ADAMTSL3: variants seen among roughly 807,000 people sequenced by gnomAD.
The protein encoded by ADAMTSL3 is ADAMTS like 3, also known as ADAMTS-like protein 3.
ADAMTSL3 carries 128 observed loss-of-function variants against 201.7 expected under a neutral mutation model. The observed-to-expected ratio is 0.63, with a 90% CI of 0.55 to 0.73. The LOEUF (loss-of-function observed/expected upper bound fraction) is 0.73. Among genes scored for constraint, ADAMTSL3 ranks in the 30% least tolerant of loss-of-function variants. The pLI, the probability that ADAMTSL3 is intolerant of heterozygous loss-of-function variation, is 0.00. For missense variants in ADAMTSL3, 1,990 were observed against 2,119.6 expected (o/e 0.94, Z 1.20); for synonymous variants, 738 against 748.4 (o/e 0.99, Z 0.23).
chr15:83,814,806 T>G (rs901355324), intron 5 of ADAMTSL3, among the ~76,000 whole-genome samples: 1 of 152,210 alleles, frequency 6.6e-6, no homozygotes, highest in Non-Finnish European at 1.5e-5. Flanking sequence ...GGGGATTGCC[T>G]AAATGTCTGA....
At chr15:83,696,794 G>C (rs1457361259) in intron 2 of ADAMTSL3, among the ~76,000 whole-genome samples, 1 of 152,212 alleles carries the variant, frequency 6.6e-6, no homozygotes, top group Non-Finnish European at 1.5e-5. Flanking sequence ...ACAAATTTGG[G>C]CTGACGTGAA....
chr15:83,826,960 G>A (rs575254997), intron 6 of ADAMTSL3, among the ~76,000 whole-genome samples: 7 of 152,134 alleles, frequency 4.6e-5, no homozygotes, highest in African/African-American at 9.6e-5. Flanking sequence ...GAATAGTGCC[G>A]TAATAAACAT....
At chr15:83,960,870 T>C (rs2066955419) in intron 19 of ADAMTSL3, among the ~76,000 whole-genome samples, 1 of 151,942 alleles carries the variant, frequency 6.6e-6, no homozygotes, top group Non-Finnish European at 1.5e-5. Context: ...CAGCATAATA[T>C]CTATGCACCA....
chr15:83,955,122 C>T (rs1429512062), intron 19 of ADAMTSL3, among the ~76,000 whole-genome samples: 1 of 152,176 alleles, frequency 6.6e-6, no homozygotes, highest in Non-Finnish European at 1.5e-5. Flanking sequence ...TCTTTCAGGC[C>T]CTGGGCATGT....
intron 4 of ADAMTSL3, among the ~76,000 whole-genome samples, chr15:83,798,709 A>AG (rs1159600607): frequency 6.8e-6 from 1 of 147,570 alleles, no homozygotes; most frequent in Non-Finnish European, 1.5e-5. Flanking sequence ...CAGGAGGCTG[A>AG]GGCAGGGGAA....
intron 2 of ADAMTSL3, among the ~76,000 whole-genome samples, chr15:83,662,351 C>T (rs1231730519): frequency 7.2e-6 from 1 of 138,684 alleles, no homozygotes; most frequent in African/African-American, 2.7e-5. Flanking sequence ...CATATTCTCA[C>T]TCATAGGTGG....
chr15:83,666,444 C>G (rs1567059244), intron 2 of ADAMTSL3, among the ~76,000 whole-genome samples: 1 of 152,104 alleles, frequency 6.6e-6, no homozygotes, highest in African/African-American at 2.4e-5. Context: ...ATAGTTGCCA[C>G]TATAAGATTA....
chr15:83,948,570 A>T (rs1401383035), intron 19 of ADAMTSL3, among the ~76,000 whole-genome samples: 2 of 152,060 alleles, frequency 1.3e-5, no homozygotes, highest in East Asian at 3.9e-4. Flanking sequence ...TCCTTAAGAC[A>T]TTTTTTATCT....
At chr15:83,737,872 A>G (rs894294414) in intron 3 of ADAMTSL3, among the ~76,000 whole-genome samples, 9 of 152,242 alleles carry the variant, frequency 5.9e-5, no homozygotes, top group African/African-American at 1.7e-4. Flanking sequence ...GTTTATGACA[A>G]TAGAATTGGT....
At chr15:83,818,357 C>T (rs536481798) in intron 5 of ADAMTSL3, among the ~76,000 whole-genome samples, 9 of 152,256 alleles carry the variant, frequency 5.9e-5, no homozygotes, top group African/African-American at 9.6e-5. Context: ...AACAGAGTCT[C>T]GCTCTGTCAC....
At chr15:83,703,621 G>T (rs1443978738) in intron 2 of ADAMTSL3, among the ~76,000 whole-genome samples, 1 of 151,982 alleles carries the variant, frequency 6.6e-6, no homozygotes, top group African/African-American at 2.4e-5. Flanking sequence ...CCGTCATGTC[G>T]GAAGTGCCTT....
chr15:83,919,776 A>C (rs989680835), intron 16 of ADAMTSL3, among the ~76,000 whole-genome samples: 1 of 152,154 alleles, frequency 6.6e-6, no homozygotes, highest in African/African-American at 2.4e-5. Context: ...CAAAGCAATA[A>C]GTTTTCTAAG....
At chr15:83,825,660 C>T (rs1338297242) in intron 6 of ADAMTSL3, among the ~76,000 whole-genome samples, 2 of 151,904 alleles carry the variant, frequency 1.3e-5, no homozygotes, top group African/African-American at 4.8e-5. Flanking sequence ...TTAGTCTGGC[C>T]TCAAGGAGCG....
intron 7 of ADAMTSL3, among the ~76,000 whole-genome samples, chr15:83,841,896 CAGA>C (rs1206271564): frequency 4.0e-5 from 6 of 151,862 alleles, no homozygotes; most frequent in African/African-American, 1.4e-4. Flanking sequence ...AACACACTGG[CAGA>C]AGAACACACA....
chr15:83,998,160 A>G (rs1016562141), intron 23 of ADAMTSL3, among the ~76,000 whole-genome samples: 2 of 152,198 alleles, frequency 1.3e-5, no homozygotes, highest in Admixed American at 6.5e-5. Context: ...CTATAGTTGT[A>G]GTAAAAAGAA....
chr15:83,979,331 T>G (rs762618394), intron 20 of ADAMTSL3, among the ~76,000 whole-genome samples: 6 of 152,226 alleles, frequency 3.9e-5, no homozygotes, highest in Non-Finnish European at 7.3e-5. Context: ...CACATCCATC[T>G]TTTATATTGT....
At chr15:83,948,008 ATATTGT>A (rs1162822389) in intron 19 of ADAMTSL3, among the ~76,000 whole-genome samples, 2 of 152,094 alleles carry the variant, frequency 1.3e-5, no homozygotes, top group African/African-American at 4.8e-5. Flanking sequence ...TTCACCTCCT[ATATTGT>A]TATTCGTATC....
At position 83,823,990 on chromosome 15, in the gene ADAMTSL3, CCTT is replaced by C. The variant is rs1363995610; in HGVS notation, c.600+3946_600+3948del. The stretch of plus-strand genomic sequence containing the variant: ...TTCTTCTTCTCCTCCTCCTCCTCCT[CCTT>C]CTCCTTCTTCTTCCTCTTCTTTCTT... On this transcript the variant is annotated intron_variant, in intron 6 of 29. Transcript: ENST00000286744. Among the ~76,000 whole-genome samples, 7 of 144,904 alleles carry C rather than the reference CCTT, an allele frequency of 4.8e-5. No homozygotes were observed. The East Asian group carries it at 8.1e-4, about 17-fold the overall frequency.
At chr15:83,798,141 G>A (rs1596228570) in intron 4 of ADAMTSL3, among the ~76,000 whole-genome samples, 3 of 152,062 alleles carry the variant, frequency 2.0e-5, no homozygotes, top group Middle Eastern at 6.8e-3. Flanking sequence ...ATGATTCCAT[G>A]TACTCAGTTA....
Sources: allele counts gnomAD v4.1 joint callset (sites outside exome capture counted in the v4.1 genomes callset), GRCh38; gene constraint gnomAD v4.1.1; transcripts MANE v1.5; gene names NCBI Gene and HGNC (gene_info 2026-07-23, HGNC 2026-07-21).